The following UGGT1 variants were observed in gnomAD, a reference collection of about 807,000 sequenced individuals.
UGGT1 encodes UDP-glucose glycoprotein glucosyltransferase 1.
A neutral mutation model predicts 203.9 loss-of-function variants in UGGT1; 107 were observed. The ratio of observed to expected loss-of-function variants is 0.52; its 90% CI spans 0.45 to 0.62. The LOEUF (loss-of-function observed/expected upper bound fraction) is 0.62. Among genes scored for constraint, UGGT1 ranks in the 20% least tolerant of loss-of-function variants. The pLI, the probability that UGGT1 is intolerant of heterozygous loss-of-function variation, is 0.00. For missense variants in UGGT1, 1,673 were observed against 1,867.2 expected (o/e 0.90, Z 1.92); for synonymous variants, 628 against 653.5 (o/e 0.96, Z 0.59).
At chr2:128,151,297 T>C (rs948061633) in intron 18 of UGGT1, 22 of 583,402 alleles carry the variant, frequency 3.8e-5, no homozygotes, top group Non-Finnish European at 6.2e-5. Flanking sequence ...CTTCTTGGGC[T>C]GTTTCAGCAG....
intron 18 of UGGT1, 142 bp downstream of exon 18, chr2:128,146,109 G>T: frequency 2.0e-6 from 2 of 985,258 alleles, no homozygotes. Context: ...GGAAGTCTGA[G>T]ACCAACCTGG....
At chr2:128,103,702 T>C (rs1438016538) in intron 2 of UGGT1, among the ~76,000 whole-genome samples, 1 of 151,770 alleles carries the variant, frequency 6.6e-6, no homozygotes, top group Non-Finnish European at 1.5e-5. Context: ...TCTTAAGAAA[T>C]AGCTATTAAG....
At chr2:128,131,387 G>T (rs1688871537) in intron 13 of UGGT1, among the ~76,000 whole-genome samples, 1 of 152,096 alleles carries the variant, frequency 6.6e-6, no homozygotes, top group African/African-American at 2.4e-5. Context: ...AACCCTGCTG[G>T]AATGCAGGAA....
intron 8 of UGGT1, among the ~76,000 whole-genome samples, chr2:128,117,586 T>C (rs1162844187): frequency 6.3e-5 from 9 of 141,876 alleles, no homozygotes; most frequent in Non-Finnish European, 1.2e-4. Flanking sequence ...CTCTGTTGCC[T>C]AGGCTGGAGT....
intron 25 of UGGT1, among the ~76,000 whole-genome samples, chr2:128,163,321 C>T (rs1690620347): frequency 6.7e-6 from 1 of 149,232 alleles, no homozygotes; most frequent in Admixed American, 6.7e-5. Flanking sequence ...ATTCACAGTG[C>T]TCTTTTAAAA....
intron 8 of UGGT1, among the ~76,000 whole-genome samples, chr2:128,120,056 C>T (rs1349346859): frequency 2.0e-5 from 3 of 151,886 alleles, no homozygotes; most frequent in Non-Finnish European, 4.4e-5. Flanking sequence ...GGATTACAGG[C>T]GTGAGCCACC....
At chr2:128,189,612 G>A (rs1692156058) in intron 40 of UGGT1, 105 bp from the exon 41 acceptor site, 1 of 1,130,708 alleles carries the variant, frequency 8.8e-7, no homozygotes, top group East Asian at 2.5e-5. Context: ...TAAGATGAAG[G>A]TGGAGGTACA....
In UGGT1 at chr2:128,115,116, ACTTGCAGAAT is replaced by A; in HGVS notation, c.697-6_700del. On this transcript the variant is annotated splice_acceptor_variant and splice_polypyrimidine_tract_variant and coding_sequence_variant and intron_variant, in exon 7 of 41. Coordinates refer to ENST00000259253, the MANE Select transcript of UGGT1 (RefSeq NM_020120.4). LOFTEE classifies it high-confidence loss of function. ...GTGGTAATGATGGAATTCTTGCTTT[ACTTGCAGAAT>A]CCCAGGAAGGAGCCTGTTTACCTCT... The A allele has an allele frequency of 6.2e-7, 1 of 1,613,820 alleles. No individual in the cohort carries two copies.
intron 4 of UGGT1, 55 bp from the exon 5 acceptor site, chr2:128,109,579 T>A: frequency 7.2e-7 from 1 of 1,384,690 alleles, no homozygotes; most frequent in Non-Finnish European, 1.0e-6. Flanking sequence ...ATACATGTCT[T>A]TATCTCGTCT....
chr2:128,115,324 T>A (rs1688048707), intron 7 of UGGT1, 104 bp downstream of exon 7: 1 of 1,007,218 alleles, frequency 9.9e-7, no homozygotes, highest in Non-Finnish European at 1.5e-6. Flanking sequence ...GCTGAACCTG[T>A]GTTTGCATCC....
At chr2:128,093,079 T>C (rs973700821) in intron 1 of UGGT1, among the ~76,000 whole-genome samples, 3 of 152,188 alleles carry the variant, frequency 2.0e-5, no homozygotes, top group Admixed American at 6.5e-5. Flanking sequence ...TCTTTTCCTC[T>C]GGTTTTACCT....
Position 128,107,974 on chromosome 2 carries a change from C to G in UGGT1, c.314C>G (p.Ala105Gly). Reference sequence around the variant, plus strand: ...TCCTACTATCATGCAATATTGGAGGCTGCATTTCAGTTTCTGTCACCCCTC... The same window carrying G: ...TCCTACTATCATGCAATATTGGAGGGTGCATTTCAGTTTCTGTCACCCCTC... ...DYSYYHAILEAAFQFLSPLQQ... is the reference protein window; with the variant it reads ...DYSYYHAILEGAFQFLSPLQQ... The change falls in exon 4 of 41, where the codon GCT becomes GGT. Residue 105 changes from alanine to glycine, a missense_variant. Physicochemically the swap from Ala to Gly is moderately conservative, Grantham distance 60. Transcript: ENST00000259253. The G allele has an allele frequency of 6.2e-7, 1 of 1,614,100 alleles. No individual in the cohort carries two copies. Among genetic ancestry groups the G allele is most frequent in the Non-Finnish European group, 8.5e-7 (1 of 1,180,002 alleles).
chr2:128,160,671 TTCA>T, intron 24 of UGGT1, 80 bp downstream of exon 24: 1 of 1,512,010 alleles, frequency 6.6e-7, no homozygotes, highest in Non-Finnish European at 8.8e-7. Context: ...TAGTAAACTC[TTCA>T]GACAGAGCCA....
intron 11 of UGGT1, 94 bp downstream of exon 11, chr2:128,123,340 C>A (rs1573531249): frequency 4.9e-6 from 5 of 1,024,200 alleles, no homozygotes; most frequent in South Asian, 1.6e-5. Flanking sequence ...CAGTGTCACT[C>A]TTCTTTTATC....
chr2:128,154,484 T>C (rs753054007), intron 19 of UGGT1, among the ~76,000 whole-genome samples: 2 of 152,310 alleles, frequency 1.3e-5, no homozygotes, highest in Non-Finnish European at 2.9e-5. Context: ...GGTGGTGGCA[T>C]TGTCACTCAG....
In UGGT1 at chr2:128,124,279, T is replaced by TACAATATTGGC. The variant is rs564142008; in HGVS notation, c.1134+1035_1134+1045dup. Among the ~76,000 whole-genome samples, 275 of 152,304 alleles carry TACAATATTGGC rather than the reference T, an allele frequency of 1.8e-3. 1 individual carries two copies. The highest frequency in any genetic ancestry group is 5.1e-3 in the Admixed American group (78 of 15,292). On this transcript the variant is annotated intron_variant, in intron 11 of 40. Transcript: ENST00000259253. ...ACTTGTTTTTATTGATAGCTCGTTA[T>TACAATATTGGC]ACAATATTGGCAGGTTATACAATTT... is the stretch of plus-strand genomic sequence containing the variant.
intron 15 of UGGT1, among the ~76,000 whole-genome samples, chr2:128,138,241 C>T (rs796417598): frequency 2.1e-4 from 32 of 152,236 alleles, no homozygotes; most frequent in Admixed American, 1.4e-3. Context: ...TGTAAGTGGC[C>T]GGGCATGGTG....
At chr2:128,123,281 A>T in intron 11 of UGGT1, 35 bp downstream of exon 11, 1 of 1,574,106 alleles carries the variant, frequency 6.4e-7, no homozygotes, top group Non-Finnish European at 8.7e-7. Flanking sequence ...CCTGTTTTGT[A>T]TTCTATCTTT....
At chr2:128,141,292 C>T (rs575589482) in intron 16 of UGGT1, among the ~76,000 whole-genome samples, 1 of 152,000 alleles carries the variant, frequency 6.6e-6, no homozygotes, top group South Asian at 2.1e-4. Context: ...AACCTCATCT[C>T]TACTAAAAAT....
Sources: gnomAD v4.1 joint callset for allele counts (sites outside exome capture counted in the v4.1 genomes callset) on GRCh38, gnomAD v4.1.1 for gene constraint, MANE v1.5 for transcripts, NCBI Gene and HGNC (gene_info 2026-07-23, HGNC 2026-07-21) for gene names.